CAMK2D: variants seen among roughly 807,000 people sequenced by gnomAD.
The protein encoded by CAMK2D is calcium/calmodulin-dependent protein kinase type II subunit delta.
Under a neutral mutation model 84.0 loss-of-function variants are expected in CAMK2D, and 37 were observed. The observed-to-expected ratio is 0.44, with a 90% CI of 0.34 to 0.58. The LOEUF is 0.58. Ranked by LOEUF, CAMK2D falls within the 20% of genes least tolerant of loss-of-function variation. The pLI is 0.02. For synonymous variants in CAMK2D, 202 were observed against 212.5 expected (o/e 0.95, Z 0.43); for missense variants, 448 against 652.5 (o/e 0.69, Z 3.41).
At chr4:113,524,123 T>C (rs2098397906) in intron 8 of CAMK2D, among the ~76,000 whole-genome samples, 1 of 152,142 alleles carries the variant, frequency 6.6e-6, no homozygotes, top group Non-Finnish European at 1.5e-5. Flanking sequence ...TCTCCCACCT[T>C]GGCCTCCCAC....
intron 8 of CAMK2D, among the ~76,000 whole-genome samples, chr4:113,519,046 AATG>A (rs993213393): frequency 6.6e-6 from 1 of 151,572 alleles, no homozygotes; most frequent in Non-Finnish European, 1.5e-5. Context: ...ATCTAATGAA[AATG>A]ATGATAGTAA....
chr4:113,570,007 GA>G (rs59168206), intron 4 of CAMK2D, among the ~76,000 whole-genome samples: 6 of 151,730 alleles, frequency 4.0e-5, no homozygotes, highest in Admixed American at 6.6e-5. Context: ...CAGAGTATAT[GA>G]AAAAAATCCA....
chr4:113,478,071 T>C (rs1008193796), intron 16 of CAMK2D, among the ~76,000 whole-genome samples: 5 of 152,092 alleles, frequency 3.3e-5, no homozygotes, highest in African/African-American at 1.2e-4. Context: ...ATTTATATTA[T>C]ATGAACTGAG....
At chr4:113,581,184 AC>A in intron 4 of CAMK2D, among the ~76,000 whole-genome samples, 1 of 152,282 alleles carries the variant, frequency 6.6e-6, no homozygotes, top group East Asian at 1.9e-4. Context: ...ATTCTATTTG[AC>A]CTTTTCTATA....
chr4:113,701,408 T>C (rs906299469), intron 2 of CAMK2D, among the ~76,000 whole-genome samples: 2 of 152,152 alleles, frequency 1.3e-5, no homozygotes, highest in African/African-American at 4.8e-5. Flanking sequence ...GTATGCAAAA[T>C]GTTGATTAGA....
At chr4:113,685,036 T>C (rs1323270146) in intron 2 of CAMK2D, among the ~76,000 whole-genome samples, 1 of 152,134 alleles carries the variant, frequency 6.6e-6, no homozygotes, top group Non-Finnish European at 1.5e-5. Flanking sequence ...CTTCTCTCTT[T>C]GTTGATTCTC....
intron 16 of CAMK2D, among the ~76,000 whole-genome samples, chr4:113,492,429 A>G (rs1268749741): frequency 1.3e-5 from 2 of 152,136 alleles, no homozygotes; most frequent in African/African-American, 2.4e-5. Flanking sequence ...CAGGTTGTTC[A>G]GTTTCCATGT....
At chr4:113,611,581 G>T (rs1420648416) in intron 3 of CAMK2D, among the ~76,000 whole-genome samples, 1 of 152,132 alleles carries the variant, frequency 6.6e-6, no homozygotes, top group Non-Finnish European at 1.5e-5. Flanking sequence ...GAACAGAGGA[G>T]AATATTTCAG....
At chr4:113,464,539 T>C (rs2097433180) in intron 17 of CAMK2D, among the ~76,000 whole-genome samples, 1 of 152,234 alleles carries the variant, frequency 6.6e-6, no homozygotes, top group Non-Finnish European at 1.5e-5. Context: ...TTTTAAGTCT[T>C]TCACTGGGGT....
intron 4 of CAMK2D, among the ~76,000 whole-genome samples, chr4:113,604,398 T>C (rs1353897475): frequency 1.3e-5 from 2 of 152,252 alleles, no homozygotes; most frequent in African/African-American, 4.8e-5. Flanking sequence ...TTTTCAGTCA[T>C]TGAAAATGCA....
At chr4:113,641,960 A>G (rs2099133921) in intron 3 of CAMK2D, among the ~76,000 whole-genome samples, 1 of 152,186 alleles carries the variant, frequency 6.6e-6, no homozygotes, top group Non-Finnish European at 1.5e-5. Flanking sequence ...CGGTGAGTCA[A>G]GATCATGCCA....
chr4:113,655,092 T>C (rs574345349), intron 3 of CAMK2D, among the ~76,000 whole-genome samples: 1 of 152,122 alleles, frequency 6.6e-6, no homozygotes, highest in Admixed American at 6.6e-5. Flanking sequence ...CAAAGTAAGA[T>C]GCATTACCTC....
intron 2 of CAMK2D, among the ~76,000 whole-genome samples, chr4:113,695,614 G>A (rs543123183): frequency 1.3e-5 from 2 of 151,810 alleles, no homozygotes; most frequent in African/African-American, 4.8e-5. Context: ...GCTCCTATGG[G>A]GTCTGCTTTC....
At chr4:113,485,626 A>C (rs1340083890) in intron 16 of CAMK2D, among the ~76,000 whole-genome samples, 2 of 152,150 alleles carry the variant, frequency 1.3e-5, no homozygotes, top group Admixed American at 1.3e-4. Flanking sequence ...TGTTCTACCT[A>C]TGGACATCTT....
At chr4:113,643,093 T>C (rs1428860426) in intron 3 of CAMK2D, among the ~76,000 whole-genome samples, 1 of 152,108 alleles carries the variant, frequency 6.6e-6, no homozygotes, top group Non-Finnish European at 1.5e-5. Flanking sequence ...TAAATCAAGA[T>C]TAGAAATTAA....
chr4:113,468,702 A>T (rs915007841), intron 16 of CAMK2D, among the ~76,000 whole-genome samples: 1 of 152,118 alleles, frequency 6.6e-6, no homozygotes, highest in Non-Finnish European at 1.5e-5. Context: ...GAGGGGGTCC[A>T]TTCTCATCTG....
chr4:113,588,200 C>T (rs186438132), intron 4 of CAMK2D, among the ~76,000 whole-genome samples: 10 of 152,206 alleles, frequency 6.6e-5, no homozygotes, highest in African/African-American at 2.4e-4. Flanking sequence ...GGAAAGACTT[C>T]AATTGCTTAA....
chr4:113,717,272 C>T (rs922072751), intron 2 of CAMK2D, among the ~76,000 whole-genome samples: 3 of 151,966 alleles, frequency 2.0e-5, no homozygotes, highest in African/African-American at 7.2e-5. Flanking sequence ...CAATTAGAAA[C>T]AGTATCAATA....
intron 16 of CAMK2D, among the ~76,000 whole-genome samples, chr4:113,477,421 A>G (rs77945182): frequency 1.3e-3 from 194 of 152,264 alleles, no homozygotes; most frequent in African/African-American, 3.5e-3. Context: ...TTCAGCTTAG[A>G]TAATTAATTT....
Sources: allele counts gnomAD v4.1 joint callset (sites outside exome capture counted in the v4.1 genomes callset), GRCh38; gene constraint gnomAD v4.1.1; transcripts MANE v1.5; gene names NCBI Gene and HGNC (gene_info 2026-07-23, HGNC 2026-07-21).